The following HOXA10 variants were observed in gnomAD, a reference collection of about 807,000 sequenced individuals.
HOXA10 encodes homeobox A10.
HOXA10 carries 12 observed loss-of-function variants against 29.7 expected under a neutral mutation model. The ratio of observed to expected loss-of-function variants is 0.40; its 90% CI spans 0.26 to 0.65. HOXA10 has a LOEUF of 0.65. Among genes scored for constraint, HOXA10 ranks in the 30% least tolerant of loss-of-function variants. The probability of loss-of-function intolerance (pLI) is 0.37; values close to 1 mark genes in which losing one functional copy is unlikely to be tolerated. For synonymous variants in HOXA10, 327 were observed against 280.7 expected (o/e 1.16, Z -1.65); for missense variants, 656 against 585.9 (o/e 1.12, Z -1.24).
rs1424577436 is a variant in HOXA10 at position 27,173,712 on chromosome 7, C to T, written c.595G>A (p.Gly199Ser). 6 of 1,577,660 alleles carry T rather than the reference C, an allele frequency of 3.8e-6. 1 individual carries two copies. In the Admixed American group the frequency reaches 9.2e-5, roughly 24 times the overall value. The change falls in exon 1 of 2, where the codon GGC (glycine) becomes AGC (serine). Residue 199 changes from glycine (G) to serine (S), a missense_variant. Coordinates refer to ENST00000283921, the MANE Select transcript of HOXA10 (RefSeq NM_018951.4). Reference sequence around the variant, plus strand: ...CCGCTGGAGGTGCCCAGGGCGCAGCCGTCGGGCGGCGGGCCCCGCGGGAAG... The same window carrying T: ...CCGCTGGAGGTGCCCAGGGCGCAGCTGTCGGGCGGCGGGCCCCGCGGGAAG... The part of the protein sequence containing the change: ...APFPRGPPPD[G>S]CALGTSSGVP...
In HOXA10 at chr7:27,174,163, G is replaced by GCCACCA. The variant is rs1562511373; in HGVS notation, c.138_143dup (p.Gly47_Gly48dup). The GCCACCA allele has an allele frequency of 1.3e-6, 2 of 1,596,420 alleles. No homozygotes were observed. The highest frequency in any genetic ancestry group is 2.7e-5 in the African/African-American group (2 of 74,840). ...AACCGCCACCGCCGCCGCCCCCCGCGCCACCACCACCGCCGCCTGCCTCGC... is the reference window on the plus strand; with the variant it reads ...AACCGCCACCGCCGCCGCCCCCCGCGCCACCACCACCACCACCGCCGCCTGCCTCGC... On this transcript the variant is annotated inframe_insertion, in exon 1 of 2. Transcript: ENST00000283921.
chr7:27,175,466 C>T (rs1333987202), upstream of HOXA10, among the ~76,000 whole-genome samples: 1 of 152,120 alleles, frequency 6.6e-6, no homozygotes, highest in Non-Finnish European at 1.5e-5. Context: ...TGCATTTTAA[C>T]GAGGCCTCGG....
At chr7:27,173,327 A>C in intron 1 of HOXA10, 22 bp downstream of exon 1, 1 of 1,611,104 alleles carries the variant, frequency 6.2e-7, no homozygotes, top group Admixed American at 1.7e-5. Flanking sequence ...GCCTGACTGC[A>C]GCCCTCTGCA....
rs960115887 is a variant in HOXA10, at chr7:27,170,676, T to G, written c.*1223A>C. ...TCCACGCACAGCAGCAATACAATAT[T>G]AATTTATTCTGATTTAAGATTAGAA... On this transcript the variant is annotated 3_prime_UTR_variant, in exon 2 of 2. Coordinates refer to ENST00000283921, the MANE Select transcript of HOXA10 (RefSeq NM_018951.4). 1 of 406,286 alleles carries G rather than the reference T, an allele frequency of 2.5e-6. No homozygotes were observed. The highest frequency in any genetic ancestry group is 4.8e-6 in the Non-Finnish European group (1 of 208,980). The allele number at this position is 406,286 out of a possible 1,614,324, so 25.2% of individuals were successfully genotyped here.
intron 1 of HOXA10, chr7:27,173,074 G>T: frequency 3.8e-6 from 2 of 527,738 alleles, no homozygotes; most frequent in South Asian, 4.3e-5. Flanking sequence ...AGGAAAGAGC[G>T]CACAGGAGGG....
chr7:27,173,465 C>T lies in HOXA10; in HGVS notation c.842G>A (p.Gly281Asp). The T allele has an allele frequency of 6.4e-7, 1 of 1,572,078 alleles. No homozygotes were observed. Among genetic ancestry groups the T allele is most frequent in the South Asian group, 1.1e-5 (1 of 87,502 alleles). Residue 281 changes from glycine to aspartate, a missense_variant, in exon 1 of 2, where the codon GGC becomes GAC. Around this residue, in one of 2 missense-constraint regions of HOXA10, gnomAD observed 594 missense variants for 491.9 expected, o/e 1.21. Transcript: ENST00000283921. ...DSPPPPTLACGSGGGSQGDEE... is the reference protein window; with the variant it reads ...DSPPPPTLACDSGGGSQGDEE... ...GTCGCCCTGCGAGCCCCCGCCGCTGCCGCAAGCCAGCGTGGGGGGCGGCGG... is the reference window on the plus strand; with the variant it reads ...GTCGCCCTGCGAGCCCCCGCCGCTGTCGCAAGCCAGCGTGGGGGGCGGCGG...
At chr7:27,174,547 C>G (rs1385002525), upstream of HOXA10, among the ~76,000 whole-genome samples, 1 of 152,212 alleles carries the variant, frequency 6.6e-6, no homozygotes, top group East Asian at 1.9e-4. Flanking sequence ...GGGGGCTGCC[C>G]CAACGTGGCT....
chr7:27,178,937 C>T (rs1398594312), upstream of HOXA10, among the ~76,000 whole-genome samples: 3 of 152,194 alleles, frequency 2.0e-5, no homozygotes, highest in East Asian at 3.8e-4. Context: ...TCCTCGGTTC[C>T]AGCTTTTTAA....
At chr7:27,174,621 C>A (rs535714714), upstream of HOXA10, 3 of 436,866 alleles carry the variant, frequency 6.9e-6, no homozygotes, top group South Asian at 7.5e-5. Flanking sequence ...ATACCGGGGT[C>A]CCTTAGAAGG....
Position 27,173,477 on chromosome 7 carries a change from G to A in HOXA10, c.830C>T (p.Thr277Met), listed in dbSNP as rs3735531. Reference sequence around the variant, plus strand: ...GCCCCCGCCGCTGCCGCAAGCCAGCGTGGGGGGCGGCGGCGAATCGAGGGC... The same window carrying A: ...GCCCCCGCCGCTGCCGCAAGCCAGCATGGGGGGCGGCGGCGAATCGAGGGC... ...ERALDSPPPP[T>M]LACGSGGGSQ... The change falls in exon 1 of 2, where the codon ACG (threonine) becomes ATG (methionine). Residue 277 changes from threonine to methionine, a missense_variant. Transcript: ENST00000283921. 1.9e-4 allele frequency: 295 copies of A among 1,565,238 alleles called. 2 individuals carry two copies. The East Asian group carries it at 6.8e-3, about 36-fold the overall frequency.
At chr7:27,174,400 A>C (rs886561198), upstream of HOXA10, 2 of 1,552,390 alleles carry the variant, frequency 1.3e-6, no homozygotes, top group Non-Finnish European at 1.7e-6. Context: ...CCGCGCGACC[A>C]CTCCCAGTTT....
exon 1 of HOXA10, chr7:27,179,650 A>C (rs1444708638): frequency 2.6e-6 from 2 of 779,036 alleles, no homozygotes; most frequent in Non-Finnish European, 4.8e-6. Context: ...TCTTACCTTG[A>C]CACATTTCCG....
Position 27,171,123 on chromosome 7 carries a change from C to A in HOXA10, c.*776G>T. 1 of 452,404 alleles carries A rather than the reference C, an allele frequency of 2.2e-6. No homozygotes were observed. Among genetic ancestry groups the A allele is most frequent in the Non-Finnish European group, 4.4e-6 (1 of 226,332 alleles). 28.0% of individuals were successfully genotyped at this position (452,404 alleles called of 1,614,324 possible). A position where few individuals can be genotyped will look rare whatever the true frequency, so the allele number is the denominator to read the frequency against. On this transcript the variant is annotated 3_prime_UTR_variant, in exon 2 of 2. Coordinates refer to ENST00000283921, the MANE Select transcript of HOXA10 (RefSeq NM_018951.4). ...ACAAAACTACATTATTTATCTACAG[C>A]CAGAAGGATATGGAAATTTAGAGGT...
chr7:27,177,694 G>A (rs927576930), upstream of HOXA10, among the ~76,000 whole-genome samples: 3 of 152,136 alleles, frequency 2.0e-5, no homozygotes, highest in Non-Finnish European at 4.4e-5. Flanking sequence ...TGAAGAAAGC[G>A]ATTCAGTTGT....
upstream of HOXA10, among the ~76,000 whole-genome samples, chr7:27,176,900 T>C (rs919065809): frequency 2.6e-5 from 4 of 152,274 alleles, no homozygotes; most frequent in Non-Finnish European, 5.9e-5. Flanking sequence ...ATTCCCACAA[T>C]TTGATCCATC....
chr7:27,179,068 C>G (rs1783704155), upstream of HOXA10, among the ~76,000 whole-genome samples: 1 of 152,226 alleles, frequency 6.6e-6, no homozygotes, highest in Non-Finnish European at 1.5e-5. Context: ...ACAGCGTACT[C>G]CAAGTATGCA....
In HOXA10 at chr7:27,171,391, AG is replaced by A. The variant is rs1562509232; in HGVS notation, c.*507del. ...CAAGGAAGAAAGGAAGAAAGAAAAA[AG>A]AAACCCAGGGGCCTGTATCCCCTGA... is the stretch of plus-strand genomic sequence containing the variant. On this transcript the variant is annotated 3_prime_UTR_variant, in exon 2 of 2. Coordinates refer to ENST00000283921, the MANE Select transcript of HOXA10 (RefSeq NM_018951.4). 2.2e-6 allele frequency: 1 copy of A among 454,830 alleles called. No individual in the cohort carries two copies. Among genetic ancestry groups the A allele is most frequent in the Non-Finnish European group, 4.4e-6 (1 of 227,030 alleles). 28.2% of individuals were successfully genotyped at this position (454,830 alleles called of 1,614,324 possible).
At chr7:27,176,319 G>T (rs1463216284), upstream of HOXA10, among the ~76,000 whole-genome samples, 2 of 152,216 alleles carry the variant, frequency 1.3e-5, no homozygotes, top group Non-Finnish European at 2.9e-5. Flanking sequence ...TTCGCTCTTC[G>T]CATGCTCCTG....
At chr7:27,173,292 C>G (rs912781447) in intron 1 of HOXA10, 57 bp downstream of exon 1, 2 of 1,605,674 alleles carry the variant, frequency 1.2e-6, no homozygotes, top group Non-Finnish European at 1.7e-6. Context: ...TGATCCTTCT[C>G]CTCCTTGTGT....
Sources: gnomAD v4.1 joint callset for allele counts (sites outside exome capture counted in the v4.1 genomes callset) on GRCh38, gnomAD v4.1.1 for gene constraint, gnomAD v4.1.1 regional missense constraint, MANE v1.5 for transcripts, NCBI Gene and HGNC (gene_info 2026-07-23, HGNC 2026-07-21) for gene names.